The following RASSF4 variants were observed in gnomAD, a reference collection of about 807,000 sequenced individuals.
RASSF4 encodes Ras association domain family member 4.
Under a neutral mutation model 41.1 loss-of-function variants are expected in RASSF4, and 38 were observed. That is an observed-to-expected ratio of 0.92 (90% CI 0.71 to 1.21). RASSF4 has a LOEUF of 1.21. Among genes scored for constraint, RASSF4 ranks in the 50% most tolerant of loss-of-function variants. The probability of loss-of-function intolerance (pLI) is 0.00; values close to 1 mark genes in which losing one functional copy is unlikely to be tolerated. For missense variants in RASSF4, 414 were observed against 419.4 expected (o/e 0.99, Z 0.11); for synonymous variants, 179 against 163.4 (o/e 1.10, Z -0.73).
At chr10:44,977,958 C>G (rs150114325) in intron 3 of RASSF4, 1 of 1,611,984 alleles carries the variant, frequency 6.2e-7, no homozygotes, top group African/African-American at 1.3e-5. Context: ...CCAGGACCCC[C>G]AAGCAGCATC....
intron 7 of RASSF4, 44 bp from the exon 8 acceptor site, chr10:44,989,626 A>G (rs1842038322): frequency 1.3e-6 from 2 of 1,594,620 alleles, no homozygotes; most frequent in Middle Eastern, 1.7e-4. Flanking sequence ...GTTCTCTCCC[A>G]TCTCCAAGCA....
At chr10:44,961,727 G>A (rs1041647734) in intron 1 of RASSF4, among the ~76,000 whole-genome samples, 32 of 152,338 alleles carry the variant, frequency 2.1e-4, no homozygotes, top group African/African-American at 7.7e-4. Flanking sequence ...TTATTTAATT[G>A]ATGAGGAGCC....
At chr10:44,984,212 C>A in intron 5 of RASSF4, 99 bp downstream of exon 5, 1 of 1,218,230 alleles carries the variant, frequency 8.2e-7, no homozygotes, top group Non-Finnish European at 1.1e-6. Context: ...CAGCTTTGTG[C>A]CCCAGCCAAC....
chr10:44,982,370 A>T (rs1334177921), intron 3 of RASSF4, 151 bp from the exon 4 acceptor site: 2 of 913,388 alleles, frequency 2.2e-6, no homozygotes, highest in Non-Finnish European at 3.5e-6. Context: ...GCCCCAGGGC[A>T]CGTAGTGGCT....
intron 3 of RASSF4, among the ~76,000 whole-genome samples, chr10:44,980,392 T>C (rs1841655536): frequency 6.6e-6 from 1 of 152,190 alleles, no homozygotes; most frequent in South Asian, 2.1e-4. Flanking sequence ...AGGCGGAGAA[T>C]TCGCTGCTGG....
intron 2 of RASSF4, chr10:44,971,400 G>A (rs779315128): frequency 9.0e-6 from 4 of 443,562 alleles, no homozygotes; most frequent in South Asian, 6.9e-5. Context: ...GCAAGAGGCT[G>A]TACAATGCCA....
chr10:44,982,882 A>G (rs1473744986), intron 4 of RASSF4: 3 of 710,030 alleles, frequency 4.2e-6, no homozygotes, highest in Non-Finnish European at 7.8e-6. Context: ...CATGACCTCT[A>G]TTTCTGTTTC....
chr10:44,982,964 G>A, intron 4 of RASSF4: 3 of 650,936 alleles, frequency 4.6e-6, no homozygotes, highest in Non-Finnish European at 8.7e-6. Flanking sequence ...CAACACCTAT[G>A]CAAGCCGAAC....
intron 6 of RASSF4, among the ~76,000 whole-genome samples, chr10:44,987,574 TTTGCAAATGGAAGG>T (rs1841965171): frequency 6.7e-6 from 1 of 150,108 alleles, no homozygotes; most frequent in South Asian, 2.1e-4. Context: ...CTTGCAGATT[TTTGCAAATGGAAGG>T]TTGCTGTTCA....
At chr10:44,970,351 G>A in intron 2 of RASSF4, 87 bp downstream of exon 2, 1 of 1,106,566 alleles carries the variant, frequency 9.0e-7, no homozygotes, top group Non-Finnish European at 1.4e-6. Context: ...GAGGGGTTCT[G>A]AGCACTTGTT....
chr10:44,986,918 A>AT (rs1841939323), intron 6 of RASSF4, among the ~76,000 whole-genome samples: 1 of 152,138 alleles, frequency 6.6e-6, no homozygotes, highest in Non-Finnish European at 1.5e-5. Context: ...TGCCTGACCT[A>AT]TTGGATTCAA....
At position 44,984,837 on chromosome 10, in the gene RASSF4, C is replaced by T. The variant is rs1257519936; in HGVS notation, c.398C>T (p.Ala133Val). ...GGGCCCCTGGAGGAGGCAGAGGAGG[C>T]CCCCCAGCTGATGCGGACCAAGAGC... ...SSGPLEEAEEAPQLMRTKSDA... is the reference protein window; with the variant it reads ...SSGPLEEAEEVPQLMRTKSDA... The change falls in exon 6 of 11, where the codon GCC becomes GTC. Residue 133 changes from alanine to valine, a missense_variant. By Grantham distance (64) the Ala-to-Val change is moderately conservative. Coordinates refer to ENST00000340258, the MANE Select transcript of RASSF4 (RefSeq NM_032023.4). 2 of 1,613,484 alleles carry T rather than the reference C, an allele frequency of 1.2e-6. No individual in the cohort carries two copies. The highest frequency in any genetic ancestry group is 1.7e-5 in the Admixed American group (1 of 60,014).
chr10:44,961,940 A>G (rs1265423916), intron 1 of RASSF4, among the ~76,000 whole-genome samples: 2 of 152,224 alleles, frequency 1.3e-5, no homozygotes, highest in Non-Finnish European at 2.9e-5. Flanking sequence ...ATTTTTGTAA[A>G]AGAGAAACTT....
In RASSF4 at chr10:44,994,499, C is replaced by T. The variant is rs1842229300; in HGVS notation, c.*1170C>T. 1 of 152,436 alleles carries T rather than the reference C, an allele frequency of 6.6e-6. No homozygotes were observed. Among genetic ancestry groups the T allele is most frequent in the African/African-American group, 2.4e-5 (1 of 41,420 alleles). 9.4% of individuals were successfully genotyped at this position (152,436 alleles called of 1,614,324 possible). A position where few individuals can be genotyped will look rare whatever the true frequency, so the allele number is the denominator to read the frequency against. The stretch of plus-strand genomic sequence containing the variant: ...TCCATCTCTAATGCATGTAGAAGCT[C>T]CTTACGGGTGCCCATCAAGAGCATA... On this transcript the variant is annotated 3_prime_UTR_variant, in exon 11 of 11. Transcript: ENST00000340258.
intron 3 of RASSF4, among the ~76,000 whole-genome samples, chr10:44,975,353 C>G (rs1377885526): frequency 6.6e-6 from 1 of 152,042 alleles, no homozygotes; most frequent in Non-Finnish European, 1.5e-5. Context: ...TTCTGGGAGC[C>G]GCAAAGCGCT....
chr10:44,979,329 G>A (rs1157204912), intron 3 of RASSF4, among the ~76,000 whole-genome samples: 8 of 152,170 alleles, frequency 5.3e-5, no homozygotes, highest in African/African-American at 1.7e-4. Flanking sequence ...GGGTGCTTTC[G>A]GAGGATTTGT....
rs1841862680 is a variant in RASSF4, at chr10:44,984,922, C to T, written c.483C>T (p.Arg161=). The change falls in exon 6 of 11, where the codon CGC becomes CGT. Residue 161 remains arginine (R), a synonymous_variant. Transcript: ENST00000340258. The part of the protein sequence containing the change: ...PKCRAPGEAQ[R]IRRHRFSING... ...GCCGCGCCCCCGGTGAGGCCCAGCG[C>T]ATCCGGCGACACCGGTTCTCTATCA... is the stretch of plus-strand genomic sequence containing the variant. The T allele has an allele frequency of 6.2e-7, 1 of 1,613,318 alleles. No individual in the cohort carries two copies. The highest frequency in any genetic ancestry group is 1.7e-5 in the Admixed American group (1 of 60,006).
rs756890834 is a variant in RASSF4, at chr10:44,984,042, A to T, written c.302A>T (p.Asn101Ile). 1.9e-6 allele frequency: 3 copies of T among 1,603,852 alleles called. No individual in the cohort carries two copies. Among genetic ancestry groups the T allele is most frequent in the Non-Finnish European group, 2.6e-6 (3 of 1,175,446 alleles). The part of the protein sequence containing the change: ...SCPLKEPSPQ[N>I]GNITAQGPSI... ...TTCAGAAAGGAGCCATCGCCCCAGA[A>T]CGGGAACATCACAGCCCAGGGGCCA... Residue 101 changes from asparagine to isoleucine, a missense_variant, in exon 5 of 11, where the codon AAC (asparagine) becomes ATC (isoleucine). Transcript: ENST00000340258.
chr10:44,982,753 TTA>T (rs2132792860), intron 4 of RASSF4, 90 bp downstream of exon 4: 1 of 1,402,890 alleles, frequency 7.1e-7, no homozygotes, highest in Non-Finnish European at 9.8e-7. Flanking sequence ...CCCTGTTCCC[TTA>T]TGGGACACTG....
Sources: allele counts gnomAD v4.1 joint callset (sites outside exome capture counted in the v4.1 genomes callset), GRCh38; gene constraint gnomAD v4.1.1; transcripts MANE v1.5; gene names NCBI Gene and HGNC (gene_info 2026-07-23, HGNC 2026-07-21).